DIAPH2: variants seen among roughly 807,000 people sequenced by gnomAD.
DIAPH2 encodes protein diaphanous homolog 2.
A neutral mutation model predicts 92.7 loss-of-function variants in DIAPH2; 35 were observed. That is an observed-to-expected ratio of 0.38 (90% CI 0.29 to 0.50). The LOEUF is 0.50. Ranked by LOEUF, DIAPH2 falls within the 20% of genes least tolerant of loss-of-function variation. DIAPH2 has a pLI of 0.94. For synonymous variants in DIAPH2, 301 were observed against 280.4 expected, an observed-to-expected ratio of 1.07 and a Z score of -0.73; for missense variants, 701 against 819.5, an observed-to-expected ratio of 0.86 and a Z score of 1.77.
chrX:96,684,954 A>C lies in DIAPH2; in HGVS notation c.-105A>C. 1 of 880,133 alleles carries C rather than the reference A, an allele frequency of 1.1e-6. No homozygotes were observed. Among genetic ancestry groups the C allele is most frequent in the Non-Finnish European group, 1.4e-6 (1 of 695,133 alleles). 72.5% of individuals were successfully genotyped at this position (880,133 alleles called of 1,213,427 possible). A position where few individuals can be genotyped will look rare whatever the true frequency, so the allele number is the denominator to read the frequency against. Reference sequence around the variant, plus strand: ...CCGGGCAGACACTCTCTCCCTCAGGAAGAGGTGCCGCCGAGTCAGCGCGGG... The same window carrying C: ...CCGGGCAGACACTCTCTCCCTCAGGCAGAGGTGCCGCCGAGTCAGCGCGGG... On this transcript the variant is annotated 5_prime_UTR_variant, in exon 1 of 27. Coordinates refer to ENST00000324765, the MANE Select transcript of DIAPH2 (RefSeq NM_006729.5).
chrX:96,945,218 A>G (rs758500266), intron 13 of DIAPH2, among the ~76,000 whole-genome samples: 1 of 111,231 alleles, frequency 9.0e-6, no homozygotes. Flanking sequence ...CTCTCCACCC[A>G]TAATAAACCA....
Position 97,177,768 on chromosome X carries a change from T to C in DIAPH2, c.2719+35974T>C, listed in dbSNP as rs1041768141. Among the ~76,000 whole-genome samples, 4 of 107,972 alleles carry C rather than the reference T, an allele frequency of 3.7e-5. No homozygotes were observed. In the Admixed American group the frequency reaches 4.0e-4, roughly 11 times the overall value. The allele number at this position is 107,972 out of a possible 115,157, so 93.8% of individuals were successfully genotyped here. On this transcript the variant is annotated intron_variant, in intron 22 of 26. Coordinates refer to ENST00000324765, the MANE Select transcript of DIAPH2 (RefSeq NM_006729.5). Reference sequence around the variant, plus strand: ...TGGCTTTTCTTCCTGGTCTATTGAATAAAGCACTAGATAGGGAATAAGAAA... The same window carrying C: ...TGGCTTTTCTTCCTGGTCTATTGAACAAAGCACTAGATAGGGAATAAGAAA...
At chrX:97,189,957 C>T (rs1031757319) in intron 22 of DIAPH2, among the ~76,000 whole-genome samples, 17 of 113,068 alleles carry the variant, frequency 1.5e-4, no homozygotes, top group African/African-American at 5.1e-4. Flanking sequence ...TTGTATCCTA[C>T]GTGCATGAGT....
At chrX:96,962,577 A>G (rs1038162740) in intron 16 of DIAPH2, among the ~76,000 whole-genome samples, 2 of 98,561 alleles carry the variant, frequency 2.0e-5, no homozygotes, top group Admixed American at 1.2e-4. Context: ...GATCTGATAT[A>G]CGTATATTTA....
chrX:97,330,516 CTT>C (rs750951678), intron 23 of DIAPH2, among the ~76,000 whole-genome samples: 8 of 100,943 alleles, frequency 7.9e-5, no homozygotes. Flanking sequence ...TTCTTTCTTT[CTT>C]TTTTTTTTTT....
chrX:97,052,550 C>T (rs1569289470), intron 17 of DIAPH2, among the ~76,000 whole-genome samples: 2 of 110,294 alleles, frequency 1.8e-5, no homozygotes, highest in African/African-American at 6.6e-5. Flanking sequence ...ATCTTAGAAG[C>T]CAGACAGGAG....
intron 3 of DIAPH2, among the ~76,000 whole-genome samples, chrX:96,754,856 G>A (rs1178949449): frequency 9.9e-6 from 1 of 100,632 alleles, no homozygotes; most frequent in Non-Finnish European, 2.0e-5. Flanking sequence ...CTTGGGAAGC[G>A]GAGGTTGCAG....
chrX:97,504,801 GA>G (rs1212980745), intron 26 of DIAPH2, among the ~76,000 whole-genome samples: 1 of 112,060 alleles, frequency 8.9e-6, no homozygotes, highest in East Asian at 2.8e-4. Context: ...TTTAGTAATA[GA>G]AAAAACAGCA....
intron 15 of DIAPH2, chrX:96,953,550 G>A (rs1055451258): frequency 1.1e-4 from 12 of 111,654 alleles, no homozygotes; most frequent in Non-Finnish European, 1.3e-4. Context: ...TATTCATCAC[G>A]GAGAACAAAA....
Position 97,244,090 on chromosome X carries a change from TAAAC to T in DIAPH2, c.2720-3617_2720-3614del, listed in dbSNP as rs1423758958. On this transcript the variant is annotated intron_variant, in intron 22 of 26. Coordinates refer to ENST00000324765, the MANE Select transcript of DIAPH2 (RefSeq NM_006729.5). Reference sequence around the variant, plus strand: ...AGAAGGTGATAGGTCGAAGATCACTTAAACAAACAAAAAGTACATATGAAATGGT... The same window carrying T: ...AGAAGGTGATAGGTCGAAGATCACTTAAACAAAAAGTACATATGAAATGGT... 3.6e-5 allele frequency among the ~76,000 whole-genome samples: 4 copies of T among 111,867 alleles called. 1 individual carries two copies. The highest frequency in any genetic ancestry group is 2.9e-4 in the Admixed American group (3 of 10,451).
chrX:96,730,065 A>G (rs1398094423), intron 1 of DIAPH2, among the ~76,000 whole-genome samples: 1 of 111,865 alleles, frequency 8.9e-6, no homozygotes. Flanking sequence ...CTTAAGTGCT[A>G]ATGGTGATAG....
intron 18 of DIAPH2, among the ~76,000 whole-genome samples, chrX:97,074,386 A>G (rs1442142390): frequency 8.9e-6 from 1 of 112,115 alleles, no homozygotes; most frequent in African/African-American, 3.2e-5. Context: ...AGACTGGGCA[A>G]CAAGAACGAA....
intron 4 of DIAPH2, among the ~76,000 whole-genome samples, chrX:96,856,931 C>T (rs1194697606): frequency 1.8e-5 from 2 of 109,724 alleles, no homozygotes; most frequent in Non-Finnish European, 3.8e-5. Flanking sequence ...CCCAGCTACT[C>T]GGGAGGCTGA....
chrX:97,086,839 A>G (rs769720359), intron 19 of DIAPH2, among the ~76,000 whole-genome samples: 1 of 111,424 alleles, frequency 9.0e-6, no homozygotes, highest in Non-Finnish European at 1.9e-5. Flanking sequence ...AAGATGCTCA[A>G]TTTATTGATT....
intron 23 of DIAPH2, among the ~76,000 whole-genome samples, chrX:97,279,300 T>G (rs1236790868): frequency 9.1e-6 from 1 of 109,728 alleles, no homozygotes; most frequent in African/African-American, 3.3e-5. Flanking sequence ...ACTGAAATTT[T>G]TTTTTGAGAC....
intron 23 of DIAPH2, among the ~76,000 whole-genome samples, chrX:97,302,211 CAAAA>C (rs35039257): frequency 1.1e-4 from 3 of 26,699 alleles, no homozygotes; most frequent in Admixed American, 1.4e-3. Context: ...GACTCCATCT[CAAAA>C]AAAAAAAAAA....
intron 23 of DIAPH2, among the ~76,000 whole-genome samples, chrX:97,340,212 A>T: frequency 9.0e-6 from 1 of 111,667 alleles, no homozygotes. Flanking sequence ...GTAGTTTCTC[A>T]GGGAACTGTG....
chrX:97,583,775 C>A (rs769036777), intron 26 of DIAPH2, among the ~76,000 whole-genome samples: 170 of 111,151 alleles, frequency 1.5e-3, no homozygotes, highest in Middle Eastern at 4.6e-3. Flanking sequence ...CCCCCAGCCT[C>A]GCTGCCGCCT....
intron 26 of DIAPH2, among the ~76,000 whole-genome samples, chrX:97,434,478 C>T (rs776359585): frequency 9.4e-6 from 1 of 106,948 alleles, no homozygotes; most frequent in Non-Finnish European, 1.9e-5. Flanking sequence ...GTGCGATCTC[C>T]GCTCACTGCA....
Sources: allele counts gnomAD v4.1 joint callset (sites outside exome capture counted in the v4.1 genomes callset), GRCh38; gene constraint gnomAD v4.1.1; transcripts MANE v1.5; gene names NCBI Gene and HGNC (gene_info 2026-07-23, HGNC 2026-07-21).